Variants in TTN observed in about 807,000 individuals in gnomAD.
TTN encodes the protein titin.
In TTN, 1,525 loss-of-function variants were observed where a neutral mutation model predicts 3,223.0. That is an observed-to-expected ratio of 0.47 (90% confidence interval 0.45 to 0.49). The LOEUF (loss-of-function observed/expected upper bound fraction) is 0.49, where lower values mean the gene tolerates loss of function less well. Ranked by LOEUF, TTN falls within the 20% of genes least tolerant of loss-of-function variation. TTN has a pLI of 0.00. For missense variants in TTN, 40,786 were observed against 43,424.0 expected (o/e 0.94, Z 5.40); for synonymous variants, 14,094 against 15,161.0 (o/e 0.93, Z 5.17).
intron 312 of TTN, 67 bp from the exon 313 acceptor site, chr2:178,583,294 A>T: frequency 8.1e-6 from 11 of 1,357,056 alleles, no homozygotes; most frequent in Non-Finnish European, 8.8e-6. Context: ...TATTAATAAT[A>T]GTGGGAAATT....
chr2:178,730,299 A>T lies in TTN; in HGVS notation c.18101T>A (p.Leu6034His). 1 of 1,612,024 alleles carries T rather than the reference A, an allele frequency of 6.2e-7. No homozygotes were observed. Among genetic ancestry groups the T allele is most frequent in the South Asian group, 1.1e-5 (1 of 90,768 alleles). ...TGTCATGGGTGCAGTGCCACCCACAAGAGCCTTTAACTGTACCCTTGTGTT... is the reference window on the plus strand; with the variant it reads ...TGTCATGGGTGCAGTGCCACCCACATGAGCCTTTAACTGTACCCTTGTGTT... ...NPNTRVQLKA[L>H]VGGTAPMTIK... Residue 6034 changes from leucine (L) to histidine (H), a missense_variant, in exon 62 of 363, where the codon CTT becomes CAT. By Grantham distance (99) the Leu-to-His change is moderately conservative (BLOSUM62 -3). Coordinates refer to ENST00000589042, the MANE Select transcript of TTN (RefSeq NM_001267550.2).
chr2:178,652,108 G>A lies in TTN; in HGVS notation c.39283C>T (p.Pro13095Ser). ...GTTTCATTATTACCTTCAGGGGGAG[G>A]ACTTTCCGGTTTGGGAGGAATAGCT... ...PEAIPPKPESPPPEVFEEPEE... is the reference protein window; with the variant it reads ...PEAIPPKPESSPPEVFEEPEE... The change falls in exon 204 of 363, where the codon CCT becomes TCT. Residue 13095 changes from proline (P) to serine (S), a missense_variant. By Grantham distance (74) the Pro-to-Ser change is moderately conservative. Coordinates refer to ENST00000589042, the MANE Select transcript of TTN (RefSeq NM_001267550.2). 2 of 1,613,046 alleles carry A rather than the reference G, an allele frequency of 1.2e-6. No individual in the cohort carries two copies. The highest frequency in any genetic ancestry group is 1.7e-6 in the Non-Finnish European group (2 of 1,179,688).
rs537070177 is a variant in TTN at position 178,776,361 on chromosome 2, G to T, written c.5503C>A (p.Gln1835Lys). 3.6e-5 allele frequency: 58 copies of T among 1,613,376 alleles called. No homozygotes were observed. The highest frequency in any genetic ancestry group is 4.5e-5 in the Non-Finnish European group (53 of 1,179,990). ...EGALTGVTTD[Q>K]KEKQKPDIVL... Reference sequence around the variant, plus strand: ...ATGTCTGGCTTTTGCTTTTCTTTCTGATCTGTTGTTACACCTGTAAGTGCA... The same window carrying T: ...ATGTCTGGCTTTTGCTTTTCTTTCTTATCTGTTGTTACACCTGTAAGTGCA... Residue 1835 changes from glutamine to lysine, a missense_variant, in exon 28 of 363, where the codon CAG becomes AAG. By Grantham distance (53) the Gln-to-Lys change is moderately conservative. Transcript: ENST00000589042.
At chr2:178,583,930 A>G in intron 311 of TTN, 24 bp from the exon 312 acceptor site, 1 of 1,496,348 alleles carries the variant, frequency 6.7e-7, no homozygotes, top group Non-Finnish European at 8.9e-7. Context: ...AGGTACACTC[A>G]CCATTTATCT....
At chr2:178,745,605 C>T (rs1355312302) in intron 47 of TTN, 1 of 1,612,528 alleles carries the variant, frequency 6.2e-7, no homozygotes, top group Non-Finnish European at 8.5e-7. Flanking sequence ...GTGAGTGCTG[C>T]AAAGCTCTCA....
At chr2:178,599,946 T>A in intron 288 of TTN, 96 bp from the exon 289 acceptor site, 1 of 1,167,350 alleles carries the variant, frequency 8.6e-7, no homozygotes, top group Non-Finnish European at 1.2e-6. Context: ...GGATCCACTG[T>A]AGGCAGACTT....
At position 178,573,383 on chromosome 2, in the gene TTN, C is replaced by T; in HGVS notation, c.72749G>A (p.Gly24250Asp). The T allele has an allele frequency of 4.6e-6, 7 of 1,524,030 alleles. No homozygotes were observed. The highest frequency in any genetic ancestry group is 6.2e-6 in the Non-Finnish European group (7 of 1,137,070). The allele number at this position is 1,524,030 out of a possible 1,614,324, so 94.4% of individuals were successfully genotyped here. A position where few individuals can be genotyped will look rare whatever the true frequency, so the allele number is the denominator to read the frequency against. The change falls in exon 326 of 363, where the codon GGT (glycine) becomes GAT (aspartate). Residue 24250 changes from glycine (G) to aspartate (D), a missense_variant. By Grantham distance (94) the Gly-to-Asp change is moderately conservative. Coordinates refer to ENST00000589042, the MANE Select transcript of TTN (RefSeq NM_001267550.2). ...VVCWGHPDSD[G>D]GSEIINYIVE... is the part of the protein sequence containing the mutation. ...AATATAATTGATGATTTCACTTCCA[C>T]CATCAGAATCAGGATGTCCCCAGCA... is the stretch of plus-strand genomic sequence containing the variant.
Position 178,707,652 on chromosome 2 carries a change from T to C in TTN, c.28915A>G (p.Ser9639Gly), listed in dbSNP as rs2076078756. The C allele has an allele frequency of 6.2e-7, 1 of 1,613,818 alleles. No homozygotes were observed. Among genetic ancestry groups the C allele is most frequent in the Non-Finnish European group, 8.5e-7 (1 of 1,179,858 alleles). ...EIKPSDRCSFSFASGTAVLEL... is the reference protein window; with the variant it reads ...EIKPSDRCSFGFASGTAVLEL... ...AGTACAGCTGTCCCACTAGCAAAGC[T>C]GAAGCTGCATCTGTCTGAAGGCTTT... The change falls in exon 100 of 363, where the codon AGC becomes GGC. Residue 9639 changes from serine to glycine, a missense_variant. Transcript: ENST00000589042.
At position 178,768,900 on chromosome 2, in the gene TTN, T is replaced by C. The variant is rs765890815; in HGVS notation, c.8936A>G (p.Asn2979Ser). 1.2e-6 allele frequency: 2 copies of C among 1,614,008 alleles called. No homozygotes were observed. The highest frequency in any genetic ancestry group is 2.2e-5 in the South Asian group (2 of 91,080). Residue 2979 changes from asparagine (N) to serine (S), a missense_variant, in exon 38 of 363, where the codon AAC becomes AGC. Coordinates refer to ENST00000589042, the MANE Select transcript of TTN (RefSeq NM_001267550.2). Reference sequence around the variant, plus strand: ...AGTAATAGTGTCTTTTTCTTCAGCGTTGATGTCTTTCAGCATGGAAGTAAT... The same window carrying C: ...AGTAATAGTGTCTTTTTCTTCAGCGCTGATGTCTTTCAGCATGGAAGTAAT... ...IMITSMLKDI[N>S]AEEKDTITFE...
At chr2:178,749,838 G>T in intron 47 of TTN, 2 of 1,613,094 alleles carry the variant, frequency 1.2e-6, no homozygotes, top group Middle Eastern at 1.7e-4. Context: ...GTTACAACTG[G>T]CTGGGGCTCA....
Position 178,576,772 on chromosome 2 carries a change from C to T in TTN, c.69472G>A (p.Val23158Ile). The change falls in exon 325 of 363, where the codon GTC becomes ATC. Residue 23158 changes from valine to isoleucine, a missense_variant. By Grantham distance (29) the Val-to-Ile change is conservative (BLOSUM62 3). Coordinates refer to ENST00000589042, the MANE Select transcript of TTN (RefSeq NM_001267550.2). This position sits in a 1 kb window ranked among gnomAD's most constrained non-coding sequence, Gnocchi z 4.3. ...VSNVTKNTAT[V>I]SWKRPVDDGG... ...TCATCCACTGGCCTTTTCCAGCTGA[C>T]AGTGGCAGTGTTCTTAGTGACATTT... 1.2e-6 allele frequency: 2 copies of T among 1,613,428 alleles called. No homozygotes were observed. The highest frequency in any genetic ancestry group is 1.7e-6 in the Non-Finnish European group (2 of 1,179,620).
chr2:178,550,700 T>A, intron 336 of TTN: 1 of 480,520 alleles, frequency 2.1e-6, no homozygotes, highest in Non-Finnish European at 3.7e-6. Flanking sequence ...CTTTATGTAC[T>A]GTTAAGTGGC....
rs34924609 is a variant in TTN, at chr2:178,534,950, C to T, written c.101665G>A (p.Val33889Ile). The T allele has an allele frequency of 5.4e-3, 8,694 of 1,612,706 alleles. 29 individuals carry two copies. The highest frequency in any genetic ancestry group is 6.9e-3 in the Non-Finnish European group (8,177 of 1,179,706). The change falls in exon 358 of 363, where the codon GTT (valine) becomes ATT (isoleucine). Residue 33889 changes from valine to isoleucine, a missense_variant. Transcript: ENST00000589042. ...CCTGATATAAACTCAAAGATCATAA[C>T]TAATTCTTCCATGCTTTCAAATGAT... ...HESFESMEEL[V>I]MIFEFISGLD... is the part of the protein sequence containing the mutation.
Position 178,740,017 on chromosome 2 carries a change from C to T in TTN, c.13216G>A (p.Ala4406Thr). The stretch of plus-strand genomic sequence containing the variant: ...AGACCTGGCTGCTCGCTGGCCACGG[C>T]TGCTTGCAAAGCCCGGCAGATTTGA... The part of the protein sequence containing the change: ...KIQICRALQA[A>T]VASEQPGLFS... The change falls in exon 48 of 363, where the codon GCC becomes ACC. Residue 4406 changes from alanine (A) to threonine (T), a missense_variant. By Grantham distance (58) the Ala-to-Thr change is moderately conservative. Transcript: ENST00000589042. The T allele has an allele frequency of 6.2e-7, 1 of 1,613,886 alleles. No individual in the cohort carries two copies. The highest frequency in any genetic ancestry group is 8.5e-7 in the Non-Finnish European group (1 of 1,179,834).
Position 178,773,519 on chromosome 2 carries a change from C to T in TTN, c.7537G>A (p.Gly2513Arg), listed in dbSNP as rs150208472. ...CTGCCAACTATCAGCTTGTAAGGTC[C>T]TTCGTCTGAAGCATGAGTTCGGTTA... ...VINRTHASDE[G>R]PYKLIVGRVE... is the part of the protein sequence containing the mutation. Residue 2513 changes from glycine to arginine, a missense_variant, in exon 32 of 363, where the codon GGA becomes AGA. Physicochemically the swap from Gly to Arg is moderately radical, Grantham distance 125. Transcript: ENST00000589042. 1.2e-6 allele frequency: 2 copies of T among 1,613,892 alleles called. No homozygotes were observed. Among genetic ancestry groups the T allele is most frequent in the Non-Finnish European group, 1.7e-6 (2 of 1,179,972 alleles).
At chr2:178,640,295 G>A (rs2061063077) in intron 221 of TTN, among the ~76,000 whole-genome samples, 185 bp from the exon 222 acceptor site, 1 of 151,866 alleles carries the variant, frequency 6.6e-6, no homozygotes, top group South Asian at 2.1e-4. Context: ...GTAAGGCAAT[G>A]TTCTTGGTTT....
chr2:178,803,547 A>G (rs1477397440), intron 2 of TTN, among the ~76,000 whole-genome samples: 2 of 151,916 alleles, frequency 1.3e-5, no homozygotes, highest in East Asian at 1.9e-4. Flanking sequence ...GTACAATGTA[A>G]AAGAAAGTAT....
At position 178,572,010 on chromosome 2, in the gene TTN, T is replaced by A. The variant is rs1364240717; in HGVS notation, c.74122A>T (p.Ile24708Phe). The stretch of plus-strand genomic sequence containing the variant: ...GGTGGAATGACAAGATCTTTGGCGA[T>A]CACTGGCACACTCAGTTGTCTAGGA... Reference protein sequence around the residue: ...SDPRQLSVPVIAKDLVIPPAF... With the variant: ...SDPRQLSVPVFAKDLVIPPAF... Residue 24708 changes from isoleucine (I) to phenylalanine (F), a missense_variant, in exon 326 of 363, where the codon ATC becomes TTC. By Grantham distance (21) the Ile-to-Phe change is conservative. Transcript: ENST00000589042. 1 of 1,613,266 alleles carries A rather than the reference T, an allele frequency of 6.2e-7. No homozygotes were observed. Among genetic ancestry groups the A allele is most frequent in the Middle Eastern group, 1.7e-4 (1 of 6,050 alleles).
chr2:178,680,478 C>G, intron 138 of TTN, 147 bp from the exon 139 acceptor site: 1 of 701,270 alleles, frequency 1.4e-6, no homozygotes. Context: ...AAACTATATA[C>G]TCTCTGTGGA....
Sources: gnomAD v4.1 joint callset for allele counts (sites outside exome capture counted in the v4.1 genomes callset) on GRCh38, gnomAD v4.1.1 for gene constraint, Gnocchi (gnomAD v3.1) non-coding constraint, MANE v1.5 for transcripts, NCBI Gene and HGNC (gene_info 2026-07-23, HGNC 2026-07-21) for gene names.